The following GPATCH2 variants were observed in gnomAD, a reference collection of about 807,000 sequenced individuals.
GPATCH2 encodes G patch domain-containing protein 2.
In GPATCH2, 51 loss-of-function variants were observed where a neutral mutation model predicts 58.0. That is an observed-to-expected ratio of 0.88 (90% CI 0.70 to 1.11). The LOEUF is 1.11. Ranked by LOEUF, GPATCH2 falls within the 50% of genes most tolerant of loss-of-function variation. The probability of loss-of-function intolerance (pLI) is 0.00; values close to 1 mark genes in which losing one functional copy is unlikely to be tolerated. For missense variants in GPATCH2, 625 were observed against 652.2 expected (o/e 0.96, Z 0.45); for synonymous variants, 222 against 218.5 (o/e 1.02, Z -0.14).
chr1:217,473,653 TA>T (rs376543282), intron 8 of GPATCH2, among the ~76,000 whole-genome samples: 24 of 145,418 alleles, frequency 1.7e-4, no homozygotes, highest in Admixed American at 4.1e-4. Flanking sequence ...AGAAAGGATG[TA>T]AAAAAAAAAC....
At chr1:217,557,577 C>T (rs1186880610) in intron 5 of GPATCH2, among the ~76,000 whole-genome samples, 1 of 151,992 alleles carries the variant, frequency 6.6e-6, no homozygotes, top group Non-Finnish European at 1.5e-5. Flanking sequence ...TGTATTAAAC[C>T]CACTTGGAAT....
At chr1:217,599,977 A>G (rs556572477) in intron 5 of GPATCH2, among the ~76,000 whole-genome samples, 2 of 152,292 alleles carry the variant, frequency 1.3e-5, no homozygotes, top group South Asian at 2.1e-4. Flanking sequence ...AAACACCTCA[A>G]AAAAACCAAG....
At chr1:217,451,350 T>A (rs1281103638) in intron 8 of GPATCH2, among the ~76,000 whole-genome samples, 4 of 152,190 alleles carry the variant, frequency 2.6e-5, no homozygotes, top group Non-Finnish European at 5.9e-5. Context: ...CCGAAAGCAA[T>A]GGGAAATACT....
At chr1:217,454,623 T>G (rs973467180) in intron 8 of GPATCH2, among the ~76,000 whole-genome samples, 2 of 151,504 alleles carry the variant, frequency 1.3e-5, no homozygotes, top group Non-Finnish European at 2.9e-5. Flanking sequence ...TTTCCTTTTT[T>G]TTTCCTCCCC....
At chr1:217,486,151 C>T (rs192955293) in intron 8 of GPATCH2, among the ~76,000 whole-genome samples, 2 of 152,240 alleles carry the variant, frequency 1.3e-5, no homozygotes. Flanking sequence ...AGTCTTCTGA[C>T]CCATGAACAA....
intron 8 of GPATCH2, among the ~76,000 whole-genome samples, chr1:217,477,005 T>G (rs1367733951): frequency 6.6e-6 from 1 of 150,838 alleles, no homozygotes; most frequent in Non-Finnish European, 1.5e-5. Context: ...GAGGGAAGAG[T>G]GGGGAGGACT....
intron 9 of GPATCH2, among the ~76,000 whole-genome samples, chr1:217,436,834 C>A (rs547354790): frequency 1.3e-5 from 2 of 152,156 alleles, no homozygotes; most frequent in East Asian, 3.9e-4. Flanking sequence ...CCAGTTAGAA[C>A]TTGAACTTAG....
chr1:217,516,033 T>A (rs1282823986), intron 5 of GPATCH2, among the ~76,000 whole-genome samples: 1 of 151,982 alleles, frequency 6.6e-6, no homozygotes, highest in Non-Finnish European at 1.5e-5. Context: ...GAAAAATATT[T>A]TCACTCCTTT....
intron 5 of GPATCH2, among the ~76,000 whole-genome samples, chr1:217,524,317 G>C (rs1166735435): frequency 6.6e-6 from 1 of 151,512 alleles, no homozygotes; most frequent in Non-Finnish European, 1.5e-5. Context: ...GCTGGGAAGA[G>C]GCGCTCCTCA....
intron 8 of GPATCH2, among the ~76,000 whole-genome samples, chr1:217,481,890 A>G (rs1168775267): frequency 3.9e-5 from 6 of 152,142 alleles, no homozygotes; most frequent in African/African-American, 1.4e-4. Context: ...CAAACAAAAA[A>G]CAAAACAAAA....
intron 6 of GPATCH2, among the ~76,000 whole-genome samples, chr1:217,501,570 T>C (rs1662307634): frequency 1.3e-5 from 2 of 152,138 alleles, no homozygotes; most frequent in Non-Finnish European, 2.9e-5. Flanking sequence ...AATGTATGAG[T>C]AATCCAGTTT....
chr1:217,605,898 T>C (rs1668339004), intron 5 of GPATCH2, among the ~76,000 whole-genome samples: 1 of 152,140 alleles, frequency 6.6e-6, no homozygotes, highest in East Asian at 1.9e-4. Context: ...TATGGAAATA[T>C]AAGAGATTCG....
At chr1:217,470,841 T>A (rs1205930322) in intron 8 of GPATCH2, among the ~76,000 whole-genome samples, 1 of 152,098 alleles carries the variant, frequency 6.6e-6, no homozygotes, top group Non-Finnish European at 1.5e-5. Context: ...TATATGTAAT[T>A]AAATGCATTC....
intron 5 of GPATCH2, among the ~76,000 whole-genome samples, chr1:217,521,117 A>G (rs1663433245): frequency 6.6e-6 from 1 of 152,166 alleles, no homozygotes; most frequent in African/African-American, 2.4e-5. Context: ...AAGTACTGGG[A>G]TTACAGGCAT....
intron 9 of GPATCH2, among the ~76,000 whole-genome samples, chr1:217,448,743 T>C (rs1033062727): frequency 1.3e-5 from 2 of 152,128 alleles, no homozygotes; most frequent in Non-Finnish European, 2.9e-5. Flanking sequence ...CGCAATCTAG[T>C]ACTAATGTTG....
chr1:217,472,513 AAGATG>A (rs1197383147), intron 8 of GPATCH2, among the ~76,000 whole-genome samples: 1 of 152,080 alleles, frequency 6.6e-6, no homozygotes, highest in Non-Finnish European at 1.5e-5. Flanking sequence ...TGTGTTAGCC[AAGATG>A]GTCTCGATCT....
intron 5 of GPATCH2, among the ~76,000 whole-genome samples, chr1:217,526,696 A>G (rs1054239942): frequency 6.6e-6 from 1 of 152,218 alleles, no homozygotes; most frequent in Non-Finnish European, 1.5e-5. Context: ...TTACCTTGAT[A>G]GAAGTAAATG....
At chr1:217,578,279 C>T (rs777625805) in intron 5 of GPATCH2, among the ~76,000 whole-genome samples, 8 of 151,978 alleles carry the variant, frequency 5.3e-5, no homozygotes, top group Admixed American at 6.6e-5. Context: ...CCCAGATTGA[C>T]GGGCAGTGGC....
chr1:217,465,075 T>G (rs1660381915), intron 8 of GPATCH2, among the ~76,000 whole-genome samples: 1 of 151,910 alleles, frequency 6.6e-6, no homozygotes, highest in Non-Finnish European at 1.5e-5. Context: ...GATGATAGCA[T>G]TTAGGAAGCA....
Sources: allele counts gnomAD v4.1 joint callset (sites outside exome capture counted in the v4.1 genomes callset), GRCh38; gene constraint gnomAD v4.1.1; transcripts MANE v1.5; gene names NCBI Gene and HGNC (gene_info 2026-07-23, HGNC 2026-07-21).